The following CATSPER2 variants were observed in gnomAD, a reference collection of about 807,000 sequenced individuals.
The protein encoded by CATSPER2 is cation channel sperm-associated protein 2.
In CATSPER2, 56 loss-of-function variants were observed where a neutral mutation model predicts 68.8. The observed-to-expected ratio is 0.81, with a 90% CI of 0.66 to 1.02. The LOEUF is 1.02. Ranked by LOEUF, CATSPER2 falls within the 50% of genes least tolerant of loss-of-function variation. CATSPER2 has a pLI of 0.00. For missense variants in CATSPER2, 582 were observed against 642.0 expected (o/e 0.91, Z 1.01); for synonymous variants, 198 against 229.9 (o/e 0.86, Z 1.26).
intron 4 of CATSPER2, among the ~76,000 whole-genome samples, chr15:43,645,301 C>T (rs2086144150): frequency 6.6e-6 from 1 of 151,742 alleles, no homozygotes; most frequent in South Asian, 2.1e-4. Context: ...AGCGATCCTC[C>T]CGCCTCAGCC....
In CATSPER2 at chr15:43,635,352, C is replaced by A. The variant is rs1430796192; in HGVS notation, c.1178+8G>T. ...GTTTCTATCCCAGTTCACATACATA[C>A]TCCTAACCTGTCCTCTATTTTGCTA... On this transcript the variant is annotated splice_region_variant and intron_variant, in intron 10 of 12. Coordinates refer to ENST00000396879, the MANE Select transcript of CATSPER2 (RefSeq NM_172095.4). 6.2e-7 allele frequency: 1 copy of A among 1,607,410 alleles called. No homozygotes were observed. The highest frequency in any genetic ancestry group is 1.3e-5 in the African/African-American group (1 of 74,662).
intron 10 of CATSPER2, chr15:43,634,300 C>T (rs2085927341): frequency 6.6e-6 from 1 of 151,686 alleles, no homozygotes; most frequent in Admixed American, 6.6e-5. Flanking sequence ...CGGCTCACCA[C>T]AGCCTCAACC....
At chr15:43,648,137 C>G (rs2086207105) in intron 1 of CATSPER2, 74 bp from the exon 2 acceptor site, 7 of 1,534,190 alleles carry the variant, frequency 4.6e-6, no homozygotes, top group Non-Finnish European at 9.0e-7. Flanking sequence ...TTTTCTGTCC[C>G]CTCCTCCCCA....
chr15:43,637,820 T>C (rs1251797052), intron 7 of CATSPER2: 1 of 151,940 alleles, frequency 6.6e-6, no homozygotes, highest in Non-Finnish European at 1.5e-5. Context: ...CCAGTGATCA[T>C]ATTTGAGAAT....
intron 7 of CATSPER2, among the ~76,000 whole-genome samples, 153 bp from the exon 8 acceptor site, chr15:43,636,372 T>TATAGTTTAG (rs2085964231): frequency 6.6e-6 from 1 of 151,900 alleles, no homozygotes; most frequent in African/African-American, 2.4e-5. Context: ...AGCTAATCAT[T>TATAGTTTAG]CTATAGTTTG....
At chr15:43,635,854 G>C (rs774235733) in intron 8 of CATSPER2, 28 bp from the exon 9 acceptor site, 1 of 1,598,514 alleles carries the variant, frequency 6.3e-7, no homozygotes, top group South Asian at 1.1e-5. Flanking sequence ...TAGGAGCTGG[G>C]AGATGGTAAT....
At chr15:43,646,559 C>T (rs979698853) in intron 4 of CATSPER2, among the ~76,000 whole-genome samples, 14 of 151,266 alleles carry the variant, frequency 9.3e-5, no homozygotes, top group Admixed American at 8.6e-4. Context: ...CCGTGCCCAG[C>T]GAATATTTCT....
chr15:43,631,864 G>C (rs2085877801), intron 12 of CATSPER2, among the ~76,000 whole-genome samples: 1 of 151,872 alleles, frequency 6.6e-6, no homozygotes, highest in South Asian at 2.1e-4. Context: ...AAACTGGTGG[G>C]CTGCCCAAAT....
chr15:43,644,945 C>T (rs2086135608), intron 4 of CATSPER2, among the ~76,000 whole-genome samples: 1 of 152,022 alleles, frequency 6.6e-6, no homozygotes, highest in Non-Finnish European at 1.5e-5. Flanking sequence ...AGTTCAAAAT[C>T]TTCACCATTA....
In CATSPER2 at chr15:43,639,722, C is replaced by T. The variant is rs372630469; in HGVS notation, c.638G>A (p.Arg213Gln). 24 of 1,612,904 alleles carry T rather than the reference C, an allele frequency of 1.5e-5. No individual in the cohort carries two copies. In the Admixed American group the frequency reaches 2.0e-4, roughly 13 times the overall value. Reference sequence around the variant, plus strand: ...AAGGAGTTTGAGAGACCTCAGCACCCGGCAGATCCTCAGAAGCTGAAGCCA... The same window carrying T: ...AAGGAGTTTGAGAGACCTCAGCACCTGGCAGATCCTCAGAAGCTGAAGCCA... ...SVWLQLLRIC[R>Q]VLRSLKLLAQ... Residue 213 changes from arginine to glutamine, a missense_variant, in exon 6 of 13, where the codon CGG (arginine) becomes CAG (glutamine). Transcript: ENST00000396879.
chr15:43,647,212 C>G (rs1403303527), intron 3 of CATSPER2, 82 bp downstream of exon 3: 23 of 1,570,392 alleles, frequency 1.5e-5, no homozygotes, highest in Admixed American at 1.7e-5. Context: ...GAAAATGAGA[C>G]AGTGGAGTAT....
At chr15:43,631,475 C>T (rs762891785) in intron 12 of CATSPER2, 2 of 275,664 alleles carry the variant, frequency 7.3e-6, no homozygotes, top group East Asian at 1.0e-4. Flanking sequence ...GTGATCTGCC[C>T]GCCTCGGCCT....
intron 4 of CATSPER2, 53 bp downstream of exon 4, chr15:43,646,997 G>A: frequency 6.7e-7 from 1 of 1,482,446 alleles, no homozygotes; most frequent in Non-Finnish European, 9.4e-7. Context: ...GATTACACGT[G>A]TGAGCCGGCG....
At chr15:43,633,833 T>C (rs1379498793) in intron 10 of CATSPER2, 1 of 151,758 alleles carries the variant, frequency 6.6e-6, no homozygotes, top group Non-Finnish European at 1.5e-5. Flanking sequence ...GGCGGACACC[T>C]GCAGTCCCAG....
In CATSPER2 at chr15:43,636,814, T is replaced by C. The variant is rs143015523; in HGVS notation, c.843-595A>G. 2.1e-3 allele frequency among the ~76,000 whole-genome samples: 324 copies of C among 151,662 alleles called. 7 individuals are homozygous for C. Among genetic ancestry groups the C allele is most frequent in the Non-Finnish European group, 3.2e-3 (219 of 67,896 alleles). Reference sequence around the variant, plus strand: ...AAAGATGAATGAATCACCAACTAGATAGTTTTTCTATTTTTTTTTCTTTTT... The same window carrying C: ...AAAGATGAATGAATCACCAACTAGACAGTTTTTCTATTTTTTTTTCTTTTT... On this transcript the variant is annotated intron_variant, in intron 7 of 12. Coordinates refer to ENST00000396879, the MANE Select transcript of CATSPER2 (RefSeq NM_172095.4).
intron 10 of CATSPER2, chr15:43,634,014 A>G (rs1282969791): frequency 6.6e-6 from 1 of 151,482 alleles, no homozygotes; most frequent in East Asian, 1.9e-4. Flanking sequence ...TTCTACTCCC[A>G]ATCTCCCTTA....
At chr15:43,632,605 C>A in intron 11 of CATSPER2, 112 bp downstream of exon 11, 1 of 1,586,134 alleles carries the variant, frequency 6.3e-7, no homozygotes, top group Non-Finnish European at 8.6e-7. Flanking sequence ...TAATTAAGAC[C>A]AGAAAATTGG....
At chr15:43,635,541 T>G (rs1242789849) in intron 9 of CATSPER2, 125 bp from the exon 10 acceptor site, 2 of 1,172,506 alleles carry the variant, frequency 1.7e-6, no homozygotes, top group Middle Eastern at 2.0e-4. Context: ...AGTCAAGGGG[T>G]GAAAAAAATG....
rs747202886 is a variant in CATSPER2 at position 43,647,518 on chromosome 15, C to G, written c.146-51G>C. 11 of 1,569,674 alleles carry G rather than the reference C, an allele frequency of 7.0e-6. No individual in the cohort carries two copies. The African/African-American group carries it at 1.5e-4, about 21-fold the overall frequency. On this transcript the variant is annotated intron_variant, in intron 2 of 12. Coordinates refer to ENST00000396879, the MANE Select transcript of CATSPER2 (RefSeq NM_172095.4). Reference sequence around the variant, plus strand: ...GTGGATAAATACAAACAAAATAGACCAGGTAGGGTTGGGGGCAGGGATACT... The same window carrying G: ...GTGGATAAATACAAACAAAATAGACGAGGTAGGGTTGGGGGCAGGGATACT...
Sources: gnomAD v4.1 joint callset for allele counts (sites outside exome capture counted in the v4.1 genomes callset) on GRCh38, gnomAD v4.1.1 for gene constraint, MANE v1.5 for transcripts, NCBI Gene and HGNC (gene_info 2026-07-23, HGNC 2026-07-21) for gene names.